The following RAVER1 variants were observed in gnomAD, a reference collection of about 807,000 sequenced individuals.
The protein encoded by RAVER1 is ribonucleoprotein PTB-binding 1.
RAVER1 carries 36 observed loss-of-function variants against 68.4 expected under a neutral mutation model. The observed-to-expected ratio is 0.53, with a 90% CI of 0.40 to 0.70. RAVER1 has a LOEUF of 0.70. Among genes scored for constraint, RAVER1 ranks in the 30% least tolerant of loss-of-function variants. RAVER1 has a pLI of 0.00. For synonymous variants in RAVER1, 469 were observed against 472.7 expected (o/e 0.99, Z 0.10); for missense variants, 933 against 1,019.8 (o/e 0.91, Z 1.16).
chr19:10,319,898 C>T (rs570918639), intron 9 of RAVER1, among the ~76,000 whole-genome samples: 1 of 151,886 alleles, frequency 6.6e-6, no homozygotes, highest in African/African-American at 2.4e-5. Context: ...CCTCGGCCTC[C>T]CAAAGTGCTG....
intron 1 of RAVER1, among the ~76,000 whole-genome samples, chr19:10,331,977 T>G (rs2040522073): frequency 6.6e-6 from 1 of 152,120 alleles, no homozygotes; most frequent in Non-Finnish European, 1.5e-5. Flanking sequence ...AAAGCTGCCC[T>G]CTTCCAAGCC....
In RAVER1 at chr19:10,321,063, C is replaced by T. The variant is rs1439550987; in HGVS notation, c.1458G>A (p.Leu486=). The change falls in exon 8 of 13, where the codon CTG becomes CTA. Residue 486 remains leucine, a synonymous_variant. Transcript: ENST00000617231. ...LRGLQKDSGP[L]PTPPGVSLLG... ...AGGGCCTTACCCCAGGGGGCGTCGG[C>T]AGAGGCCCACTGTCTTTCTGGAGGC... 2 of 1,377,180 alleles carry T rather than the reference C, an allele frequency of 1.5e-6. No homozygotes were observed. The highest frequency in any genetic ancestry group is 3.0e-5 in the African/African-American group (2 of 65,994). 85.3% of individuals were successfully genotyped at this position (1,377,180 alleles called of 1,614,324 possible).
Position 10,317,041 on chromosome 19 carries a change from G to T in RAVER1, c.*413C>A. 4.5e-6 allele frequency: 1 copy of T among 222,940 alleles called. No homozygotes were observed. The highest frequency in any genetic ancestry group is 8.7e-6 in the Non-Finnish European group (1 of 114,652). 13.8% of individuals were successfully genotyped at this position (222,940 alleles called of 1,614,324 possible). On this transcript the variant is annotated 3_prime_UTR_variant, in exon 13 of 13. Transcript: ENST00000617231. The surrounding 1 kb of genome is among the most constrained non-coding windows in gnomAD (Gnocchi z 4.3). ...AACTTAGAAAAGGAAACAGAAGTCA[G>T]TTGTCAAAGTTAAAAAAAAAGGAGA...
chr19:10,319,325 G>A (rs1202356597), intron 9 of RAVER1, 85 bp from the exon 10 acceptor site: 29 of 1,351,202 alleles, frequency 2.1e-5, no homozygotes, highest in Non-Finnish European at 2.6e-5. Context: ...GCTGTCATCA[G>A]GGAAGACAGT....
rs1294810030 is a variant in RAVER1 at position 10,320,734 on chromosome 19, C to T, written c.1691G>A (p.Arg564His). The T allele has an allele frequency of 1.3e-5, 20 of 1,517,188 alleles. No homozygotes were observed. The highest frequency in any genetic ancestry group is 5.0e-5 in the South Asian group (4 of 79,322). 94.0% of individuals were successfully genotyped at this position (1,517,188 alleles called of 1,614,324 possible). Residue 564 changes from arginine to histidine, a missense_variant, in exon 9 of 13, where the codon CGC becomes CAC. By Grantham distance (29) the Arg-to-His change is conservative. This residue lies in a region of RAVER1 where 699 missense variants were observed against 731.1 expected (regional missense o/e 0.96). Coordinates refer to ENST00000617231, the MANE Select transcript of RAVER1 (RefSeq NM_133452.3). ...GGCGCTGCTGAGGGGGCTGAGCAGG[C>T]GGGACTTGAGCTGGAAGGCTTTGCT... ...SSSKAFQLKS[R>H]LLSPLSSARL... is the part of the protein sequence containing the mutation.
intron 10 of RAVER1, 77 bp downstream of exon 10, chr19:10,319,089 C>T (rs1222512627): frequency 3.0e-6 from 4 of 1,352,686 alleles, no homozygotes; most frequent in Non-Finnish European, 4.2e-6. Context: ...TCTGCTGTTC[C>T]AGGCTACTAA....
In RAVER1 at chr19:10,333,275, G is replaced by GCC; in HGVS notation, c.219+12_219+13dup. ...GTATTTCCCGCCACGCTCCTACACC[G>GCC]CCCCCCCCAATACCTGGTTGGTCAC... On this transcript the variant is annotated intron_variant, in intron 1 of 12. Coordinates refer to ENST00000617231, the MANE Select transcript of RAVER1 (RefSeq NM_133452.3). The surrounding 1 kb of genome is among the most constrained non-coding windows in gnomAD (Gnocchi z 4.2). 1 of 1,605,948 alleles carries GCC rather than the reference G, an allele frequency of 6.2e-7. No individual in the cohort carries two copies.
In RAVER1 at chr19:10,320,661, G is replaced by A; in HGVS notation, c.1764C>T (p.Tyr588=). Residue 588 remains tyrosine, a synonymous_variant, in exon 9 of 13, where the codon TAC becomes TAT. Coordinates refer to ENST00000617231, the MANE Select transcript of RAVER1 (RefSeq NM_133452.3). ...GCTGCAGCCAGGCACTCACCGAGGG[G>A]TAGTCGAAGCTGTAGCTGTCAGACA... ...PGLSDSYSFD[Y]PSDMGPRRLF... The A allele has an allele frequency of 6.4e-7, 1 of 1,552,540 alleles. No individual in the cohort carries two copies. The highest frequency in any genetic ancestry group is 8.7e-7 in the Non-Finnish European group (1 of 1,152,742).
chr19:10,319,588 C>CTT (rs530934788), intron 9 of RAVER1, among the ~76,000 whole-genome samples: 2 of 146,090 alleles, frequency 1.4e-5, no homozygotes, highest in Non-Finnish European at 3.0e-5. Context: ...CAATTTCTTT[C>CTT]TTTTTTTTTT....
chr19:10,323,414 G>A lies in RAVER1; in HGVS notation c.909C>T (p.Gly303=). The A allele has an allele frequency of 6.2e-7, 1 of 1,606,820 alleles. No individual in the cohort carries two copies. Among genetic ancestry groups the A allele is most frequent in the Non-Finnish European group, 8.5e-7 (1 of 1,177,398 alleles). Residue 303 remains glycine, a synonymous_variant, in exon 4 of 13, where the codon GGC becomes GGT. Coordinates refer to ENST00000617231, the MANE Select transcript of RAVER1 (RefSeq NM_133452.3). The surrounding 1 kb of genome is among the most constrained non-coding windows in gnomAD (Gnocchi z 6.2). The part of the protein sequence containing the change: ...RVSFCAPGPP[G]RSMLAALIAA... ...CGATGAGAGCGGCCAGCATACTGCG[G>A]CCGGGGGGCCCAGGGGCGCAGAAGG...
chr19:10,317,357 AAGAG>A lies in RAVER1; in HGVS notation c.*93_*96del. The A allele has an allele frequency of 2.2e-6, 3 of 1,339,730 alleles. No homozygotes were observed. Among genetic ancestry groups the A allele is most frequent in the Non-Finnish European group, 3.2e-6 (3 of 941,110 alleles). The allele number at this position is 1,339,730 out of a possible 1,614,324, so 83.0% of individuals were successfully genotyped here. ...CTTTCAGAGATTTTTCTATTACCGA[AAGAG>A]AGAAAATGGTTTAAAAAAAACACAA... On this transcript the variant is annotated 3_prime_UTR_variant, in exon 13 of 13. Coordinates refer to ENST00000617231, the MANE Select transcript of RAVER1 (RefSeq NM_133452.3). This position sits in a 1 kb window ranked among gnomAD's most constrained non-coding sequence, Gnocchi z 4.3.
At chr19:10,326,589 C>T (rs1484750134) in intron 3 of RAVER1, among the ~76,000 whole-genome samples, 2 of 151,816 alleles carry the variant, frequency 1.3e-5, no homozygotes, top group African/African-American at 2.4e-5. Flanking sequence ...AGATTACAGG[C>T]GCGTGGCGCC....
In RAVER1 at chr19:10,319,251, G is replaced by T; in HGVS notation, c.1771-11C>A. 6.2e-7 allele frequency: 1 copy of T among 1,613,154 alleles called. No individual in the cohort carries two copies. The highest frequency in any genetic ancestry group is 8.5e-7 in the Non-Finnish European group (1 of 1,179,310). On this transcript the variant is annotated splice_polypyrimidine_tract_variant and intron_variant, in intron 9 of 12. Transcript: ENST00000617231. ...CCGAGGTCCCATGTCCTGAATGAAA[G>T]CGGGAGAAGCACATTGGGTTGGAGT...
chr19:10,321,319 C>G (rs1444266388), intron 7 of RAVER1, 60 bp from the exon 8 acceptor site: 11 of 922,988 alleles, frequency 1.2e-5, no homozygotes, highest in Admixed American at 4.3e-5. Flanking sequence ...CCCCAGGGCC[C>G]TCCAGCTCCC....
At chr19:10,320,504 TAAAAA>T (rs773652670) in intron 9 of RAVER1, 146 bp downstream of exon 9, 198 of 473,824 alleles carry the variant, frequency 4.2e-4, no homozygotes, top group Admixed American at 6.1e-4. Flanking sequence ...ACCCTGTCTC[TAAAAA>T]AAAAAAAAAA....
chr19:10,318,280 G>A lies in RAVER1; in HGVS notation c.1938C>T (p.Ser646=). ...LSHFYSGSPT[S]YFTSGLQAGL... Reference sequence around the variant, plus strand: ...CAGCCTGCAGGCCGCTGGTGAAGTAGGAAGTGGGCGAGCCTGAATAGAAGT... The same window carrying A: ...CAGCCTGCAGGCCGCTGGTGAAGTAAGAAGTGGGCGAGCCTGAATAGAAGT... The change falls in exon 11 of 13, where the codon TCC becomes TCT. Residue 646 remains serine (S), a synonymous_variant. Transcript: ENST00000617231. 2.5e-6 allele frequency: 4 copies of A among 1,605,864 alleles called. No individual in the cohort carries two copies. The highest frequency in any genetic ancestry group is 3.4e-6 in the Non-Finnish European group (4 of 1,176,920).
intron 1 of RAVER1, among the ~76,000 whole-genome samples, chr19:10,331,601 G>A (rs535327195): frequency 1.4e-5 from 2 of 139,698 alleles, no homozygotes; most frequent in South Asian, 4.5e-4. Context: ...CAAGACAATT[G>A]CTTGAACCCG....
chr19:10,323,474 G>A lies in RAVER1; in HGVS notation c.849C>T (p.Asp283=), dbSNP rs765719566. Residue 283 remains aspartate (D), a synonymous_variant, in exon 4 of 13, where the codon GAC becomes GAT. Coordinates refer to ENST00000617231, the MANE Select transcript of RAVER1 (RefSeq NM_133452.3). This position sits in a 1 kb window ranked among gnomAD's most constrained non-coding sequence, Gnocchi z 6.2. ...GGTGGCTGCCCCCCAGGGACAGGCC[G>A]TCCGCCTGCTGCTGTGCCTCCTCCG... is the stretch of plus-strand genomic sequence containing the variant. ...EMAEEAQQQA[D]GLSLGGSHLR... is the part of the protein sequence containing the mutation. 109 of 1,609,526 alleles carry A rather than the reference G, an allele frequency of 6.8e-5. No individual in the cohort carries two copies. Among genetic ancestry groups the A allele is most frequent in the African/African-American group, 2.5e-4 (19 of 74,902 alleles).
chr19:10,321,751 T>A, intron 6 of RAVER1, 133 bp from the exon 7 acceptor site: 3 of 568,774 alleles, frequency 5.3e-6, no homozygotes, highest in Non-Finnish European at 8.2e-6. Context: ...GGCACAGGGT[T>A]CCCCAGTGCC....
Sources: gnomAD v4.1 joint callset for allele counts (sites outside exome capture counted in the v4.1 genomes callset) on GRCh38, gnomAD v4.1.1 for gene constraint, gnomAD v4.1.1 regional missense constraint, Gnocchi (gnomAD v3.1) non-coding constraint, MANE v1.5 for transcripts, NCBI Gene and HGNC (gene_info 2026-07-23, HGNC 2026-07-21) for gene names.